Variants in PDCD5 observed in about 807,000 individuals in gnomAD.
PDCD5 encodes programmed cell death 5, also known as programmed cell death protein 5.
Under a neutral mutation model 21.9 loss-of-function variants are expected in PDCD5, and 23 were observed. The observed-to-expected ratio is 1.05, with a 90% CI of 0.76 to 1.49. PDCD5 has a LOEUF of 1.49. Ranked by LOEUF, PDCD5 falls within the 40% of genes most tolerant of loss-of-function variation. The pLI, the probability that PDCD5 is intolerant of heterozygous loss-of-function variation, is 0.00. For synonymous variants in PDCD5, 45 were observed against 49.4 expected (o/e 0.91, Z 0.37); for missense variants, 152 against 147.7 (o/e 1.03, Z -0.15).
At chr19:32,586,185 C>T in intron 4 of PDCD5, 1 of 1,447,074 alleles carries the variant, frequency 6.9e-7, no homozygotes, top group South Asian at 1.5e-5. Flanking sequence ...GCACTGGAAG[C>T]AAGGTTTGTC....
In PDCD5 at chr19:32,581,193, G is replaced by T; in HGVS notation, c.-69G>T. 1.7e-6 allele frequency: 2 copies of T among 1,194,912 alleles called. No individual in the cohort carries two copies. The highest frequency in any genetic ancestry group is 3.2e-5 in the East Asian group (1 of 31,598). The allele number at this position is 1,194,912 out of a possible 1,614,324, so 74.0% of individuals were successfully genotyped here. A position where few individuals can be genotyped will look rare whatever the true frequency, so the allele number is the denominator to read the frequency against. ...TGGGCCCCGCGAGCGCCTGCGCAGT[G>T]GTCAAGGCCGCGCTCGCGCCGAGGG... On this transcript the variant is annotated 5_prime_UTR_variant, in exon 1 of 6. Transcript: ENST00000590247.
chr19:32,584,838 T>C, intron 2 of PDCD5, 112 bp from the exon 3 acceptor site: 1 of 808,166 alleles, frequency 1.2e-6, no homozygotes, highest in South Asian at 1.4e-5. Context: ...ATGCAGTTTG[T>C]ATACCGCAGG....
intron 1 of PDCD5, 70 bp downstream of exon 1, chr19:32,581,397 C>CA: frequency 9.0e-7 from 1 of 1,116,620 alleles, no homozygotes; most frequent in Non-Finnish European, 1.2e-6. Flanking sequence ...GTAGGGCGCG[C>CA]CTCCGGGGCG....
At chr19:32,584,816 G>A (rs759597233) in intron 2 of PDCD5, 134 bp from the exon 3 acceptor site, 4 of 727,910 alleles carry the variant, frequency 5.5e-6, no homozygotes, top group Non-Finnish European at 7.5e-6. Flanking sequence ...CTTATGTACA[G>A]CAACTACCAT....
chr19:32,583,014 T>C (rs1971443667), intron 2 of PDCD5, among the ~76,000 whole-genome samples: 1 of 152,214 alleles, frequency 6.6e-6, no homozygotes, highest in African/African-American at 2.4e-5. Context: ...TGTACATCTT[T>C]TCATTGTCAC....
At chr19:32,583,772 G>T (rs1429655152) in intron 2 of PDCD5, among the ~76,000 whole-genome samples, 1 of 152,062 alleles carries the variant, frequency 6.6e-6, no homozygotes, top group African/African-American at 2.4e-5. Flanking sequence ...GCTGATCATA[G>T]CTGCAGTGAG....
At chr19:32,586,020 G>T in intron 4 of PDCD5, 113 bp downstream of exon 4, 1 of 1,601,368 alleles carries the variant, frequency 6.2e-7, no homozygotes. Flanking sequence ...ACTCTCAGAA[G>T]AAATTGTTGG....
At position 32,582,233 on chromosome 19, in the gene PDCD5, G is replaced by A. The variant is rs147609163; in HGVS notation, c.104+1G>A. 11 of 1,612,390 alleles carry A rather than the reference G, an allele frequency of 6.8e-6. No individual in the cohort carries two copies. Among genetic ancestry groups the A allele is most frequent in the South Asian group, 2.2e-5 (2 of 90,960 alleles). ...CGGCCCAACAGGAAGCAAAGCACAG[G>A]TATGGGCTGGAAACGTGAACTTTTT... On this transcript the variant is annotated splice_donor_variant, in intron 2 of 5. Transcript: ENST00000590247. LOFTEE classifies it high-confidence loss of function.
At chr19:32,586,706 A>T in intron 4 of PDCD5, 152 bp from the exon 5 acceptor site, 1 of 1,362,932 alleles carries the variant, frequency 7.3e-7, no homozygotes, top group Non-Finnish European at 9.5e-7. Flanking sequence ...ACCAATAGTT[A>T]TAACCAATAG....
rs758526316 is a variant in PDCD5, at chr19:32,582,177, T to A, written c.67-18T>A. 1 of 1,602,320 alleles carries A rather than the reference T, an allele frequency of 6.2e-7. No homozygotes were observed. Among genetic ancestry groups the A allele is most frequent in the Non-Finnish European group, 8.5e-7 (1 of 1,170,948 alleles). On this transcript the variant is annotated intron_variant, in intron 1 of 5. Coordinates refer to ENST00000590247, the MANE Select transcript of PDCD5 (RefSeq NM_004708.4). ...TCCCGTGAAATTTCTCTATTAAATT[T>A]AAGTTTTTTTTTTCCAGGATCCTGG...
chr19:32,586,096 C>A (rs1422998900), intron 4 of PDCD5, 189 bp downstream of exon 4: 1 of 1,534,508 alleles, frequency 6.5e-7, no homozygotes, highest in Non-Finnish European at 8.8e-7. Context: ...TGCTTCGCTC[C>A]TTTCCTGGCG....
Position 32,584,988 on chromosome 19 carries a change from T to C in PDCD5, c.143T>C (p.Leu48Pro). 6.2e-7 allele frequency: 1 copy of C among 1,614,142 alleles called. No homozygotes were observed. The highest frequency in any genetic ancestry group is 8.5e-7 in the Non-Finnish European group (1 of 1,179,936). ...EMRNSILAQVLDQSARARLSN... is the reference protein window; with the variant it reads ...EMRNSILAQVPDQSARARLSN... ...AGAAACAGTATCTTAGCCCAAGTTC[T>C]GGATCAGTCGGCCCGGGCCAGGTGT... is the stretch of plus-strand genomic sequence containing the variant. The change falls in exon 3 of 6, where the codon CTG (leucine) becomes CCG (proline). Residue 48 changes from leucine (L) to proline (P), a missense_variant. Coordinates refer to ENST00000590247, the MANE Select transcript of PDCD5 (RefSeq NM_004708.4).
chr19:32,584,909 A>G, intron 2 of PDCD5, 41 bp from the exon 3 acceptor site: 1 of 1,517,308 alleles, frequency 6.6e-7, no homozygotes, highest in Non-Finnish European at 9.2e-7. Context: ...GAATGCCGAC[A>G]GCTGTGTTTT....
chr19:32,582,871 C>T (rs1341126594), intron 2 of PDCD5, among the ~76,000 whole-genome samples: 1 of 152,154 alleles, frequency 6.6e-6, no homozygotes, highest in Non-Finnish European at 1.5e-5. Context: ...ATTTATAGAG[C>T]ACCTGCTCTG....
Position 32,585,863 on chromosome 19 carries a change from A to C in PDCD5, c.214A>C (p.Asn72His), listed in dbSNP as rs568323156. 6.2e-7 allele frequency: 1 copy of C among 1,611,886 alleles called. No homozygotes were observed. The highest frequency in any genetic ancestry group is 8.5e-7 in the Non-Finnish European group (1 of 1,177,922). Residue 72 changes from asparagine to histidine, a missense_variant, in exon 4 of 6, where the codon AAT becomes CAT. Transcript: ENST00000590247. ...GCCTGAAAAAACTAAAGCAGTAGAG[A>C]ATTACCTTATACAGATGGCAAGATA... Reference protein sequence around the residue: ...VKPEKTKAVENYLIQMARYGQ... With the variant: ...VKPEKTKAVEHYLIQMARYGQ...
chr19:32,584,362 T>G (rs1227224775), intron 2 of PDCD5, among the ~76,000 whole-genome samples: 1 of 152,184 alleles, frequency 6.6e-6, no homozygotes, highest in Non-Finnish European at 1.5e-5. Flanking sequence ...AAGAAACAAG[T>G]CCATGAGACC....
At chr19:32,582,263 G>T in intron 2 of PDCD5, 31 bp downstream of exon 2, 1 of 1,586,652 alleles carries the variant, frequency 6.3e-7, no homozygotes, top group Non-Finnish European at 8.7e-7. Context: ...CTTTTTGAAG[G>T]GTGGTTTCAC....
At chr19:32,584,919 T>A in intron 2 of PDCD5, 31 bp from the exon 3 acceptor site, 1 of 1,579,452 alleles carries the variant, frequency 6.3e-7, no homozygotes, top group Non-Finnish European at 8.7e-7. Flanking sequence ...AGCTGTGTTT[T>A]AATTGTGTTT....
intron 1 of PDCD5, chr19:32,581,637 C>G (rs1568387037): frequency 3.5e-6 from 1 of 288,156 alleles, no homozygotes; most frequent in South Asian, 1.5e-4. Flanking sequence ...CTTTTGGAGC[C>G]AGCAGCCGGA....
Sources: gnomAD v4.1 joint callset for allele counts (sites outside exome capture counted in the v4.1 genomes callset) on GRCh38, gnomAD v4.1.1 for gene constraint, MANE v1.5 for transcripts, NCBI Gene and HGNC (gene_info 2026-07-23, HGNC 2026-07-21) for gene names.